CDKN2B-AS1: variants seen among roughly 807,000 people sequenced by gnomAD.
The protein encoded by CDKN2B-AS1 is CDKN2B antisense RNA 1 (non-protein coding).
chr9:22,049,269 T>C (rs1456327970), intron 3 of CDKN2B-AS1: 2 of 152,116 alleles, frequency 1.3e-5, no homozygotes, highest in African/African-American at 2.4e-5. Flanking sequence ...GAACCCTAAT[T>C]GAATAAAAGT....
chr9:22,114,948 G>A (rs888043212), intron 4 of CDKN2B-AS1, among the ~76,000 whole-genome samples: 1 of 152,066 alleles, frequency 6.6e-6, no homozygotes, highest in African/African-American at 2.4e-5. Context: ...CTCATGGCCC[G>A]ATGATTTTCA....
intron 3 of CDKN2B-AS1, among the ~76,000 whole-genome samples, chr9:22,056,026 G>A (rs1339067855): frequency 6.6e-6 from 1 of 150,958 alleles, no homozygotes; most frequent in East Asian, 1.9e-4. Flanking sequence ...GATGGGTCTT[G>A]AAGGTTACAT....
intron 4 of CDKN2B-AS1, among the ~76,000 whole-genome samples, chr9:22,074,006 G>GGT (rs1824398178): frequency 6.6e-6 from 1 of 151,956 alleles, no homozygotes; most frequent in Non-Finnish European, 1.5e-5. Context: ...TTGGACTACA[G>GGT]GTGTGTGCCA....
intron 1 of CDKN2B-AS1, among the ~76,000 whole-genome samples, chr9:22,028,661 G>T (rs1822338709): frequency 6.6e-6 from 1 of 152,088 alleles, no homozygotes; most frequent in African/African-American, 2.4e-5. Context: ...CAATTTTAAG[G>T]TGTTTAATTT....
intron 1 of CDKN2B-AS1, among the ~76,000 whole-genome samples, chr9:22,033,815 G>C (rs1406845997): frequency 6.6e-6 from 1 of 152,204 alleles, no homozygotes; most frequent in Admixed American, 6.5e-5. Context: ...TATTGACAGA[G>C]TGCCTACTAC....
chr9:22,027,751 T>G (rs191886874), intron 1 of CDKN2B-AS1, among the ~76,000 whole-genome samples: 188 of 152,310 alleles, frequency 1.2e-3, no homozygotes, highest in African/African-American at 4.3e-3. Flanking sequence ...TCATGGCTCT[T>G]ACATTCCAGG....
chr9:22,076,862 T>C (rs1824513529), intron 4 of CDKN2B-AS1, among the ~76,000 whole-genome samples: 1 of 152,118 alleles, frequency 6.6e-6, no homozygotes, highest in Non-Finnish European at 1.5e-5. Context: ...TTGGCTAATT[T>C]TTGTAGAGAC....
intron 4 of CDKN2B-AS1, among the ~76,000 whole-genome samples, chr9:22,056,623 G>T (rs1279979140): frequency 6.6e-6 from 1 of 152,170 alleles, no homozygotes; most frequent in Non-Finnish European, 1.5e-5. Flanking sequence ...CTTGGCCACA[G>T]TTTCTCGGTC....
Position 21,995,768 on chromosome 9 carries a change from A to G in CDKN2B-AS1, n.29+607A>G, listed in dbSNP as rs1350437806. Reference sequence around the variant, plus strand: ...AGCGAGGCTCGGCTCTCGTCCAGGAACTCGGACGCGGGCTCGCCGGCTCTC... The same window carrying G: ...AGCGAGGCTCGGCTCTCGTCCAGGAGCTCGGACGCGGGCTCGCCGGCTCTC... On this transcript the variant is annotated intron_variant and non_coding_transcript_variant, in intron 1 of 4. Transcript: ENST00000650946. The surrounding 1 kb of genome is among the most constrained non-coding windows in gnomAD (Gnocchi z 5.7). 6.6e-6 allele frequency: 1 copy of G among 152,192 alleles called. No homozygotes were observed. Among genetic ancestry groups the G allele is most frequent in the African/African-American group, 2.4e-5 (1 of 41,424 alleles). 9.4% of individuals were successfully genotyped at this position (152,192 alleles called of 1,614,324 possible).
intron 1 of CDKN2B-AS1, among the ~76,000 whole-genome samples, chr9:22,023,726 T>G (rs191616538): frequency 5.2e-4 from 79 of 152,246 alleles, no homozygotes; most frequent in Non-Finnish European, 7.8e-4. Context: ...CTGGGTGAGT[T>G]GAGAGTCCGT....
chr9:22,072,241 T>G (rs755142759), intron 4 of CDKN2B-AS1, among the ~76,000 whole-genome samples: 2 of 152,228 alleles, frequency 1.3e-5, no homozygotes, highest in Non-Finnish European at 2.9e-5. Flanking sequence ...CATAGGCACT[T>G]AATTCCTTGA....
At chr9:22,008,953 T>C in intron 1 of CDKN2B-AS1, 1 of 1,612,986 alleles carries the variant, frequency 6.2e-7, no homozygotes, top group Non-Finnish European at 8.5e-7. Flanking sequence ...TCCTCGCGCA[T>C]TCCGCAGCCC....
Position 22,095,195 on chromosome 9 carries a change from A to G in CDKN2B-AS1, n.439-31908A>G, listed in dbSNP as rs1044768122. ...GAAGCTTCGTCTCAGAGGGGTACCCAGCCGTGTGAGGTGTCAGTCTGCCCC... is the reference window on the plus strand; with the variant it reads ...GAAGCTTCGTCTCAGAGGGGTACCCGGCCGTGTGAGGTGTCAGTCTGCCCC... On this transcript the variant is annotated intron_variant and non_coding_transcript_variant, in intron 4 of 4. Transcript: ENST00000650946. Among the ~76,000 whole-genome samples the G allele has an allele frequency of 1.5e-4, 21 of 144,780 alleles. 5 individuals are homozygous for G. Among genetic ancestry groups the G allele is most frequent in the Admixed American group, 4.7e-4 (7 of 14,942 alleles). The allele number at this position is 144,780 out of a possible 152,430, so 95.0% of individuals were successfully genotyped here.
At position 21,997,480 on chromosome 9, in the gene CDKN2B-AS1, GGAGA is replaced by G. The variant is rs34297943; in HGVS notation, n.29+2340_29+2343del. On this transcript the variant is annotated intron_variant and non_coding_transcript_variant, in intron 1 of 4. Transcript: ENST00000650946. This position sits in a 1 kb window ranked among gnomAD's most constrained non-coding sequence, Gnocchi z 4.8. ...ATGTGGGGGAGAGAAAGAGAGGGAGGGAGAGAGAGAGAGAGAGAGAGAGAAAGAG... is the reference window on the plus strand; with the variant it reads ...ATGTGGGGGAGAGAAAGAGAGGGAGGGAGAGAGAGAGAGAGAGAGAAAGAG... Among the ~76,000 whole-genome samples the G allele has an allele frequency of 2.8e-3, 413 of 146,106 alleles. 5 individuals carry two copies. The highest frequency in any genetic ancestry group is 0.011 in the South Asian group (49 of 4,592).
At chr9:22,057,750 T>C (rs2131293139) in intron 4 of CDKN2B-AS1, among the ~76,000 whole-genome samples, 1 of 150,204 alleles carries the variant, frequency 6.7e-6, no homozygotes, top group African/African-American at 2.5e-5. Flanking sequence ...GAGGTTGCAG[T>C]GAGCTGAGGT....
intron 1 of CDKN2B-AS1, among the ~76,000 whole-genome samples, chr9:22,026,128 G>A (rs139643833): frequency 1.2e-3 from 186 of 151,362 alleles, no homozygotes; most frequent in African/African-American, 3.9e-3. Context: ...CATTTTTGTC[G>A]GGCAGCTGTT....
At position 22,006,384 on chromosome 9, in the gene CDKN2B-AS1, C is replaced by G. The variant is rs1563914672; in HGVS notation, n.29+11223C>G. ...ACCCAGTGCAGAGGTGTTCAGGTCT[C>G]TGATGTCTGGTGTTTCTTCATTTGC... On this transcript the variant is annotated intron_variant and non_coding_transcript_variant, in intron 1 of 4. Coordinates refer to ENST00000650946, the Ensembl canonical transcript of CDKN2B-AS1. This position sits in a 1 kb window ranked among gnomAD's most constrained non-coding sequence, Gnocchi z 6.4. The G allele has an allele frequency of 4.2e-6, 5 of 1,193,660 alleles. No individual in the cohort carries two copies. Among genetic ancestry groups the G allele is most frequent in the Non-Finnish European group, 6.0e-6 (5 of 840,264 alleles). The allele number at this position is 1,193,660 out of a possible 1,614,324, so 73.9% of individuals were successfully genotyped here.
At chr9:22,080,490 A>G (rs893052035) in intron 4 of CDKN2B-AS1, among the ~76,000 whole-genome samples, 1 of 152,184 alleles carries the variant, frequency 6.6e-6, no homozygotes, top group Non-Finnish European at 1.5e-5. Flanking sequence ...GGGCAGCCCT[A>G]TTTGGGTTGA....
intron 1 of CDKN2B-AS1, among the ~76,000 whole-genome samples, chr9:22,035,144 C>A (rs112099697): frequency 9.9e-5 from 15 of 151,864 alleles, no homozygotes; most frequent in Non-Finnish European, 1.8e-4. Context: ...TTATTTTAAA[C>A]ATTTATCTTT....
Sources: gnomAD v4.1 joint callset for allele counts (sites outside exome capture counted in the v4.1 genomes callset) on GRCh38, gnomAD v4.1.1 for gene constraint, Gnocchi (gnomAD v3.1) non-coding constraint, MANE v1.5 for transcripts, NCBI Gene and HGNC (gene_info 2026-07-23, HGNC 2026-07-21) for gene names.